Variants in SEPTIN7 observed in about 807,000 individuals in gnomAD.
SEPTIN7 encodes the protein septin 7.
In SEPTIN7, 10 loss-of-function variants were observed where a neutral mutation model predicts 63.3. The observed-to-expected ratio is 0.16, with a 90% CI of 0.10 to 0.27. The LOEUF (loss-of-function observed/expected upper bound fraction) is 0.27, where lower values mean the gene tolerates loss of function less well. Ranked by LOEUF, SEPTIN7 falls within the 10% of genes least tolerant of loss-of-function variation. SEPTIN7 has a pLI of 1.00. For missense variants in SEPTIN7, 310 were observed against 521.0 expected, an observed-to-expected ratio of 0.59 and a Z score of 3.94; for synonymous variants, 131 against 165.3, an observed-to-expected ratio of 0.79 and a Z score of 1.59.
the SEPTIN7 span, among the ~76,000 whole-genome samples, chr7:35,914,020 G>A: frequency 6.6e-6 from 1 of 152,196 alleles, no homozygotes; most frequent in African/African-American, 2.4e-5. Flanking sequence ...TCAGGATATA[G>A]CCATAGAACA....
intron 11 of SEPTIN7, among the ~76,000 whole-genome samples, chr7:35,895,810 T>C (rs1027653263): frequency 6.6e-6 from 1 of 152,158 alleles, no homozygotes; most frequent in Admixed American, 6.5e-5. Context: ...TGAATTTAAA[T>C]GAAGATATTT....
intron 11 of SEPTIN7, among the ~76,000 whole-genome samples, chr7:35,893,495 A>G (rs953191153): frequency 3.3e-5 from 5 of 152,258 alleles, no homozygotes; most frequent in East Asian, 1.9e-4. Context: ...ATCCCATAAT[A>G]TCGTGTGTCT....
At chr7:35,885,508 T>A (rs1174998831) in intron 9 of SEPTIN7, among the ~76,000 whole-genome samples, 3 of 152,186 alleles carry the variant, frequency 2.0e-5, no homozygotes, top group African/African-American at 7.2e-5. Context: ...CTGAATTTTT[T>A]AAATGTATTA....
intron 1 of SEPTIN7, among the ~76,000 whole-genome samples, chr7:35,826,998 TAGAA>T (rs926215782): frequency 2.0e-5 from 3 of 152,268 alleles, no homozygotes; most frequent in African/African-American, 4.8e-5. Flanking sequence ...AATGTAACCT[TAGAA>T]GGAAGGTTAG....
chr7:35,826,962 T>G (rs1437151134), intron 1 of SEPTIN7, among the ~76,000 whole-genome samples: 1 of 152,194 alleles, frequency 6.6e-6, no homozygotes, highest in African/African-American at 2.4e-5. Context: ...AAGCGTGCTG[T>G]TACTTGAATA....
At chr7:35,863,934 A>G (rs894025394) in intron 4 of SEPTIN7, among the ~76,000 whole-genome samples, 2 of 148,518 alleles carry the variant, frequency 1.3e-5, no homozygotes, top group African/African-American at 5.0e-5. Flanking sequence ...GCTATCTAGT[A>G]TGGTAGTCAT....
At chr7:35,842,682 T>C (rs1286787125) in intron 3 of SEPTIN7, among the ~76,000 whole-genome samples, 1 of 152,216 alleles carries the variant, frequency 6.6e-6, no homozygotes, top group African/African-American at 2.4e-5. Flanking sequence ...TACGTCATTA[T>C]TTACTGCACA....
intron 6 of SEPTIN7, among the ~76,000 whole-genome samples, chr7:35,878,532 G>A (rs764581482): frequency 6.6e-6 from 1 of 152,110 alleles, no homozygotes; most frequent in Non-Finnish European, 1.5e-5. Flanking sequence ...AACTCCATAA[G>A]ATTTGGATTT....
At chr7:35,813,234 G>T (rs904262271) in intron 1 of SEPTIN7, among the ~76,000 whole-genome samples, 3 of 152,138 alleles carry the variant, frequency 2.0e-5, no homozygotes, top group Non-Finnish European at 4.4e-5. Context: ...CTGGAATTCA[G>T]ATTTCTAGCT....
At chr7:35,846,173 T>C (rs541658462) in intron 3 of SEPTIN7, among the ~76,000 whole-genome samples, 1 of 152,354 alleles carries the variant, frequency 6.6e-6, no homozygotes, top group East Asian at 1.9e-4. Context: ...TTGTATACTT[T>C]CTTCATCTAA....
At chr7:35,868,648 G>A (rs1562562429) in intron 4 of SEPTIN7, among the ~76,000 whole-genome samples, 1 of 152,144 alleles carries the variant, frequency 6.6e-6, no homozygotes, top group African/African-American at 2.4e-5. Flanking sequence ...AGTGAGTATA[G>A]AGGACTCAGA....
rs1385813779 is a variant in SEPTIN7, at chr7:35,848,761, A to G, written c.170-14791A>G. ...TGGGATAATCATTTTCTAAATAATCATGAAGAAAATGTTCTGAGTAGGCAG... is the reference window on the plus strand; with the variant it reads ...TGGGATAATCATTTTCTAAATAATCGTGAAGAAAATGTTCTGAGTAGGCAG... On this transcript the variant is annotated intron_variant, in intron 3 of 13. Coordinates refer to ENST00000350320, the MANE Select transcript of SEPTIN7 (RefSeq NM_001788.6). 3.3e-5 allele frequency among the ~76,000 whole-genome samples: 5 copies of G among 152,326 alleles called. No homozygotes were observed. The South Asian group carries it at 8.3e-4, about 25-fold the overall frequency.
intron 4 of SEPTIN7, among the ~76,000 whole-genome samples, chr7:35,866,061 A>G (rs905384720): frequency 2.0e-5 from 3 of 152,220 alleles, no homozygotes; most frequent in Admixed American, 1.3e-4. Context: ...CCACTGTTAA[A>G]TATCTTTTCT....
At chr7:35,829,328 G>C (rs7806179) in intron 1 of SEPTIN7, among the ~76,000 whole-genome samples, 2,896 of 151,706 alleles carry the variant, frequency 0.019, 99 homozygotes, top group African/African-American at 0.066. Context: ...TTTTAGTAGA[G>C]ACGGGGTTTC....
intron 1 of SEPTIN7, among the ~76,000 whole-genome samples, chr7:35,824,845 A>T (rs1239560658): frequency 6.6e-6 from 1 of 151,844 alleles, no homozygotes; most frequent in African/African-American, 2.4e-5. Flanking sequence ...CTAAAATTTT[A>T]TTTCAACATG....
chr7:35,902,320 T>C (rs1788373266), intron 12 of SEPTIN7: 1 of 152,002 alleles, frequency 6.6e-6, no homozygotes, highest in African/African-American at 2.4e-5. Context: ...TTCGCATGAG[T>C]GTTTACTGCC....
intron 6 of SEPTIN7, among the ~76,000 whole-genome samples, chr7:35,875,771 A>T (rs1163376511): frequency 1.4e-5 from 2 of 147,420 alleles, no homozygotes; most frequent in Non-Finnish European, 3.0e-5. Context: ...TTTTTCTCTT[A>T]TACATACATA....
chr7:35,881,130 G>A (rs1282182129), intron 7 of SEPTIN7, among the ~76,000 whole-genome samples: 1 of 151,260 alleles, frequency 6.6e-6, no homozygotes, highest in Non-Finnish European at 1.5e-5. Flanking sequence ...GTTAAAATTT[G>A]CTTTGAAGTT....
chr7:35,913,883 C>T, the SEPTIN7 span, among the ~76,000 whole-genome samples: 8 of 152,308 alleles, frequency 5.3e-5, no homozygotes, highest in Non-Finnish European at 8.8e-5. Flanking sequence ...AGCCACTGCA[C>T]CTGCCCAGGA....
Sources: allele counts gnomAD v4.1 joint callset (sites outside exome capture counted in the v4.1 genomes callset), GRCh38; gene constraint gnomAD v4.1.1; transcripts MANE v1.5; gene names NCBI Gene and HGNC (gene_info 2026-07-23, HGNC 2026-07-21).